MUSK: variants seen among roughly 807,000 people sequenced by gnomAD.
The protein encoded by MUSK is muscle associated receptor tyrosine kinase.
In MUSK, 55 loss-of-function variants were observed where a neutral mutation model predicts 88.7. The observed-to-expected ratio is 0.62, with a 90% CI of 0.50 to 0.78. The LOEUF is 0.78. MUSK is among the 30% of genes least tolerant of loss of function. The pLI is 0.00. For missense variants in MUSK, 1,015 were observed against 1,074.3 expected, an observed-to-expected ratio of 0.94 and a Z score of 0.77; for synonymous variants, 387 against 391.9, an observed-to-expected ratio of 0.99 and a Z score of 0.15.
intron 11 of MUSK, among the ~76,000 whole-genome samples, chr9:110,778,810 C>T (rs1269413399): frequency 6.6e-6 from 1 of 152,062 alleles, no homozygotes; most frequent in Non-Finnish European, 1.5e-5. Flanking sequence ...TAAAGCTTAA[C>T]TGATTGTTTA....
chr9:110,718,831 G>A (rs1346643178), intron 5 of MUSK, among the ~76,000 whole-genome samples: 2 of 152,018 alleles, frequency 1.3e-5, no homozygotes, highest in Non-Finnish European at 2.9e-5. Flanking sequence ...GAGCTGTGAG[G>A]CAAAAGCATC....
intron 8 of MUSK, among the ~76,000 whole-genome samples, chr9:110,765,884 A>AT (rs1456870391): frequency 3.3e-5 from 5 of 152,014 alleles, no homozygotes; most frequent in African/African-American, 1.2e-4. Context: ...AAAGCAATCC[A>AT]TTTTTATGCT....
intron 3 of MUSK, among the ~76,000 whole-genome samples, chr9:110,690,098 A>C (rs1170179812): frequency 1.0e-4 from 10 of 99,880 alleles, no homozygotes; most frequent in Admixed American, 1.6e-4. Flanking sequence ...ATATTATATA[A>C]GTATAAATAT....
In MUSK at chr9:110,668,887, C is replaced by T. The variant is rs761520279; in HGVS notation, c.-18C>T. The T allele has an allele frequency of 7.5e-6, 12 of 1,606,390 alleles. No individual in the cohort carries two copies. The highest frequency in any genetic ancestry group is 5.4e-5 in the African/African-American group (4 of 74,766). On this transcript the variant is annotated 5_prime_UTR_variant, in exon 1 of 15. Transcript: ENST00000374448. Reference sequence around the variant, plus strand: ...GTTGTCCAGAAGGAACTTCGTCCTGCGTGAGCCTGGATTAATCATGAGAGA... The same window carrying T: ...GTTGTCCAGAAGGAACTTCGTCCTGTGTGAGCCTGGATTAATCATGAGAGA...
intron 7 of MUSK, among the ~76,000 whole-genome samples, chr9:110,753,687 G>A: frequency 6.6e-6 from 1 of 152,088 alleles, no homozygotes; most frequent in South Asian, 2.1e-4. Flanking sequence ...CGACCTCAGG[G>A]TCTAAGCCTT....
At chr9:110,757,820 T>C (rs946134593) in intron 7 of MUSK, among the ~76,000 whole-genome samples, 5 of 152,226 alleles carry the variant, frequency 3.3e-5, no homozygotes. Flanking sequence ...TATATACATA[T>C]GTATGCATTA....
chr9:110,735,795 G>A (rs187287654), intron 6 of MUSK, among the ~76,000 whole-genome samples: 19 of 152,220 alleles, frequency 1.2e-4, no homozygotes, highest in Admixed American at 3.3e-4. Context: ...ATGGCAGAAA[G>A]CAAAGTGGGA....
intron 5 of MUSK, among the ~76,000 whole-genome samples, chr9:110,727,022 A>G (rs943671285): frequency 1.3e-5 from 2 of 152,120 alleles, no homozygotes; most frequent in African/African-American, 4.8e-5. Context: ...ACCGTTACGA[A>G]TATTGTAAAA....
In MUSK at chr9:110,776,639, C is replaced by T; in HGVS notation, c.1368C>T (p.Asn456=). ...TTATCCTTTCCCCTTCAGATTATAA[C>T]AAAGAAAACCTAAAAAGTAAGTAAT... The part of the protein sequence containing the change: ...ACARLPHLDY[N]KENLKTFPPM... The change falls in exon 11 of 15, where the codon AAC becomes AAT. Residue 456 remains asparagine, a synonymous_variant. Coordinates refer to ENST00000374448, the MANE Select transcript of MUSK (RefSeq NM_005592.4). 2 of 1,598,222 alleles carry T rather than the reference C, an allele frequency of 1.3e-6. No homozygotes were observed. The highest frequency in any genetic ancestry group is 1.7e-6 in the Non-Finnish European group (2 of 1,168,196).
chr9:110,674,512 G>C (rs1403205951), intron 1 of MUSK, among the ~76,000 whole-genome samples: 1 of 152,018 alleles, frequency 6.6e-6, no homozygotes, highest in East Asian at 1.9e-4. Flanking sequence ...TAGTACAATT[G>C]ATCTGTTTTC....
chr9:110,802,573 A>G lies in MUSK; in HGVS notation c.*1585A>G, dbSNP rs77672551. 0.018 allele frequency among the ~76,000 whole-genome samples: 2,665 copies of G among 152,280 alleles called. 52 individuals carry two copies. Among genetic ancestry groups the G allele is most frequent in the South Asian group, 0.094 (452 of 4,818 alleles). Reference sequence around the variant, plus strand: ...GTGGGAAACCTGCCATTTCTTATTCATAGTGTCTCCAGGCAACCAAGACAA... The same window carrying G: ...GTGGGAAACCTGCCATTTCTTATTCGTAGTGTCTCCAGGCAACCAAGACAA... On this transcript the variant is annotated 3_prime_UTR_variant, in exon 15 of 15. Transcript: ENST00000374448.
rs2078086619 is a variant in MUSK at position 110,800,879 on chromosome 9, T to C, written c.2501T>C (p.Leu834Pro). ...AACTGCCCCGTGGAGCTGTACAATC[T>C]CATGCGTCTATGTTGGAGCAAGCTG... ...PENCPVELYN[L>P]MRLCWSKLPA... Residue 834 changes from leucine to proline, a missense_variant, in exon 15 of 15, where the codon CTC becomes CCC. Physicochemically the swap from Leu to Pro is moderately conservative, Grantham distance 98. Coordinates refer to ENST00000374448, the MANE Select transcript of MUSK (RefSeq NM_005592.4). 3 of 1,582,724 alleles carry C rather than the reference T, an allele frequency of 1.9e-6. No homozygotes were observed. Among genetic ancestry groups the C allele is most frequent in the Non-Finnish European group, 2.6e-6 (3 of 1,163,242 alleles).
intron 1 of MUSK, among the ~76,000 whole-genome samples, chr9:110,676,750 T>C (rs1204059485): frequency 2.0e-5 from 3 of 152,176 alleles, no homozygotes; most frequent in African/African-American, 4.8e-5. Flanking sequence ...TATGGCTGCA[T>C]AGTATTCCAT....
At chr9:110,700,668 C>G (rs1396331171) in intron 5 of MUSK, among the ~76,000 whole-genome samples, 5 of 152,032 alleles carry the variant, frequency 3.3e-5, no homozygotes, top group Admixed American at 3.3e-4. Flanking sequence ...ATTAATGACA[C>G]TGAGCTCAGA....
intron 7 of MUSK, among the ~76,000 whole-genome samples, chr9:110,750,454 C>A (rs1207567051): frequency 1.3e-5 from 2 of 152,052 alleles, no homozygotes; most frequent in African/African-American, 4.8e-5. Flanking sequence ...GCTGGCTTAG[C>A]CTGTTTGAGA....
rs763532251 is a variant in MUSK at position 110,695,536 on chromosome 9, T to G, written c.486+6T>G. On this transcript the variant is annotated splice_donor_region_variant and intron_variant, in intron 4 of 14. Transcript: ENST00000374448. ...AGGGAGACAGCCCTCTCAGGGTAAG[T>G]GGTTATGATGTTAAAACACATATAT... The G allele has an allele frequency of 1.3e-6, 2 of 1,544,162 alleles. No individual in the cohort carries two copies. The highest frequency in any genetic ancestry group is 1.8e-6 in the Non-Finnish European group (2 of 1,142,378).
At chr9:110,733,984 G>A (rs2076996871) in intron 5 of MUSK, among the ~76,000 whole-genome samples, 1 of 151,996 alleles carries the variant, frequency 6.6e-6, no homozygotes, top group Non-Finnish European at 1.5e-5. Flanking sequence ...GAGGATCTGG[G>A]GGATGAGTGG....
intron 3 of MUSK, among the ~76,000 whole-genome samples, chr9:110,693,412 CCA>C (rs2076384146): frequency 6.6e-6 from 1 of 152,162 alleles, no homozygotes; most frequent in African/African-American, 2.4e-5. Flanking sequence ...CCGAGATCCC[CCA>C]ACCCCTATCA....
chr9:110,676,561 C>A (rs2076033426), intron 1 of MUSK, among the ~76,000 whole-genome samples: 1 of 151,986 alleles, frequency 6.6e-6, no homozygotes, highest in Non-Finnish European at 1.5e-5. Context: ...CCAATCCCAC[C>A]TGCTGACAGG....
Sources: allele counts gnomAD v4.1 joint callset (sites outside exome capture counted in the v4.1 genomes callset), GRCh38; gene constraint gnomAD v4.1.1; transcripts MANE v1.5; gene names NCBI Gene and HGNC (gene_info 2026-07-23, HGNC 2026-07-21).